Variants in SFPQ observed in about 807,000 individuals in gnomAD.
The protein encoded by SFPQ is splicing factor, proline- and glutamine-rich.
In SFPQ, 11 loss-of-function variants were observed where a neutral mutation model predicts 72.9. The ratio of observed to expected loss-of-function variants is 0.15; its 90% CI spans 0.09 to 0.25. The LOEUF is 0.25. Ranked by LOEUF, SFPQ falls within the 10% of genes least tolerant of loss-of-function variation. SFPQ has a pLI of 1.00. For missense variants in SFPQ, 847 were observed against 993.3 expected, an observed-to-expected ratio of 0.85 and a Z score of 1.98; for synonymous variants, 506 against 367.3, an observed-to-expected ratio of 1.38 and a Z score of -4.32.
chr1:35,178,171 A>C, downstream of SFPQ: 1 of 1,065,968 alleles, frequency 9.4e-7, no homozygotes, highest in East Asian at 5.6e-5. Context: ...GCATAAAAAA[A>C]TAGGAAGAAA....
At chr1:35,181,546 G>C, downstream of SFPQ, 1 of 1,062,494 alleles carries the variant, frequency 9.4e-7, no homozygotes, top group Non-Finnish European at 1.1e-6. Context: ...ACTAACATGA[G>C]CCAATGGGCT....
Position 35,192,860 on chromosome 1 carries a change from G to A in SFPQ, c.190C>T (p.Pro64Ser). 6.5e-7 allele frequency: 1 copy of A among 1,533,508 alleles called. No homozygotes were observed. The highest frequency in any genetic ancestry group is 1.2e-5 in the South Asian group (1 of 82,726). 95.0% of individuals were successfully genotyped at this position (1,533,508 alleles called of 1,614,324 possible). A position where few individuals can be genotyped will look rare whatever the true frequency, so the allele number is the denominator to read the frequency against. ...SGPKPPIPPPPPHQQQQQPPP... is the reference protein window; with the variant it reads ...SGPKPPIPPPSPHQQQQQPPP... ...GGCTGTTGCTGCTGTTGGTGTGGAG[G>A]CGGTGGCGGGATCGGAGGCTTAGGG... Residue 64 changes from proline (P) to serine (S), a missense_variant, in exon 1 of 10, where the codon CCT (proline) becomes TCT (serine). Pro to Ser is a moderately conservative substitution (Grantham distance 74). Coordinates refer to ENST00000357214, the MANE Select transcript of SFPQ (RefSeq NM_005066.3).
rs376034059 is a variant in SFPQ at position 35,189,310 on chromosome 1, A to G, written c.1488T>C (p.Ser496=). ...FEYEYSQRWK[S]LDEMEKQQRE... ...TTTGCTGTTTTTCCATTTCATCCAA[A>G]GACTTCCATCGCTGAGAATATTCGT... Residue 496 remains serine (S), a synonymous_variant, in exon 5 of 10, where the codon TCT becomes TCC. Coordinates refer to ENST00000357214, the MANE Select transcript of SFPQ (RefSeq NM_005066.3). 31 of 1,613,956 alleles carry G rather than the reference A, an allele frequency of 1.9e-5. No individual in the cohort carries two copies. Among genetic ancestry groups the G allele is most frequent in the Non-Finnish European group, 2.6e-5 (31 of 1,180,016 alleles).
chr1:35,183,012 C>A lies in SFPQ; in HGVS notation c.*1444G>T. ...TGAGCAACTTTCTCCAGATTTAGTG[C>A]TACATGAAAACGAAACTATGTGAAA... On this transcript the variant is annotated 3_prime_UTR_variant, in exon 10 of 10. Transcript: ENST00000357214. The A allele has an allele frequency of 9.6e-7, 1 of 1,036,764 alleles. No individual in the cohort carries two copies. The highest frequency in any genetic ancestry group is 6.0e-5 in the East Asian group (1 of 16,768). 64.2% of individuals were successfully genotyped at this position (1,036,764 alleles called of 1,614,324 possible).
rs757947644 is a variant in SFPQ at position 35,192,682 on chromosome 1, C to A, written c.368G>T (p.Ser123Ile). ...GGCCGAGCTGGAGGCTGGTGGTGCG[C>A]TGCCTACTCCGGGAGCGGGGCCGGG... ...QGPGPAPGVG[S>I]APPASSSAPP... is the part of the protein sequence containing the mutation. Residue 123 changes from serine to isoleucine, a missense_variant, in exon 1 of 10, where the codon AGC (serine) becomes ATC (isoleucine). Around this residue, in one of 6 missense-constraint regions of SFPQ, gnomAD observed 498 missense variants for 405.1 expected, o/e 1.23. Coordinates refer to ENST00000357214, the MANE Select transcript of SFPQ (RefSeq NM_005066.3). 1 of 1,421,046 alleles carries A rather than the reference C, an allele frequency of 7.0e-7. No individual in the cohort carries two copies. The highest frequency in any genetic ancestry group is 9.1e-7 in the Non-Finnish European group (1 of 1,096,120). The allele number at this position is 1,421,046 out of a possible 1,614,324, so 88.0% of individuals were successfully genotyped here. A position where few individuals can be genotyped will look rare whatever the true frequency, so the allele number is the denominator to read the frequency against.
Position 35,189,068 on chromosome 1 carries a change from T to C in SFPQ, c.1632A>G (p.Glu544=). Residue 544 remains glutamate, a synonymous_variant, in exon 6 of 10, where the codon GAA becomes GAG. Transcript: ENST00000357214. ...LLRQDLMRRQ[E]ELRRMEELHN... The stretch of plus-strand genomic sequence containing the variant: ...GAAGTTCTTCCATGCGTCTTAATTC[T>C]TCCTGTCGTCTCATCAGATCTGAAC... The C allele has an allele frequency of 1.9e-6, 3 of 1,613,268 alleles. No homozygotes were observed. Among genetic ancestry groups the C allele is most frequent in the Non-Finnish European group, 1.7e-6 (2 of 1,179,930 alleles).
chr1:35,191,829 G>A (rs928941829), intron 1 of SFPQ, among the ~76,000 whole-genome samples: 1 of 152,170 alleles, frequency 6.6e-6, no homozygotes, highest in African/African-American at 2.4e-5. Flanking sequence ...AATTAAAATA[G>A]GAAAATAACA....
downstream of SFPQ, chr1:35,180,988 C>A (rs1443333650): frequency 9.4e-7 from 1 of 1,065,104 alleles, no homozygotes; most frequent in Non-Finnish European, 1.1e-6. Context: ...TAACCCCACA[C>A]CCACACAGTT....
At chr1:35,180,021 C>G (rs1241659938), downstream of SFPQ, 4 of 1,052,706 alleles carry the variant, frequency 3.8e-6, no homozygotes, top group Non-Finnish European at 4.6e-6. Flanking sequence ...CAGTAGAGTC[C>G]AAAGTTGTTT....
At chr1:35,189,571 T>C (rs1026926729) in intron 4 of SFPQ, among the ~76,000 whole-genome samples, 189 bp from the exon 5 acceptor site, 19 of 152,182 alleles carry the variant, frequency 1.2e-4, no homozygotes, top group Non-Finnish European at 2.2e-4. Context: ...ATGCAGGCAC[T>C]GGAGATAAAT....
In SFPQ at chr1:35,183,985, G is replaced by A. The variant is rs1639590931; in HGVS notation, c.*471C>T. ...CAAAGGGGGCAATTATTTGTAGAAA[G>A]CAATACTTAGCCTCCAGATGCATTT... On this transcript the variant is annotated 3_prime_UTR_variant, in exon 10 of 10. Transcript: ENST00000357214. The A allele has an allele frequency of 9.5e-7, 1 of 1,055,220 alleles. No homozygotes were observed. Among genetic ancestry groups the A allele is most frequent in the Non-Finnish European group, 1.1e-6 (1 of 872,798 alleles). The allele number at this position is 1,055,220 out of a possible 1,614,324, so 65.4% of individuals were successfully genotyped here.
downstream of SFPQ, chr1:35,182,814 G>A: frequency 9.5e-7 from 1 of 1,050,374 alleles, no homozygotes; most frequent in Non-Finnish European, 1.1e-6. Context: ...TATTTACACT[G>A]GGAAATCAGG....
chr1:35,178,039 AAAG>A, downstream of SFPQ: 3 of 1,285,552 alleles, frequency 2.3e-6, no homozygotes, highest in Non-Finnish European at 3.0e-6. Flanking sequence ...ATTCTTACCT[AAAG>A]AATAATAAGA....
At position 35,190,677 on chromosome 1, in the gene SFPQ, T is replaced by C. The variant is rs749564434; in HGVS notation, c.1319+17A>G. On this transcript the variant is annotated intron_variant, in intron 3 of 9. Coordinates refer to ENST00000357214, the MANE Select transcript of SFPQ (RefSeq NM_005066.3). ...TATAAGTTGATAGAAATTATTAGAA[T>C]AAACAAGACAACTTACGTCGTCAGT... is the stretch of plus-strand genomic sequence containing the variant. 34 of 1,611,662 alleles carry C rather than the reference T, an allele frequency of 2.1e-5. No homozygotes were observed. The African/African-American group carries it at 4.0e-4, about 19-fold the overall frequency.
chr1:35,181,580 T>TA, downstream of SFPQ: 1 of 1,061,514 alleles, frequency 9.4e-7, no homozygotes, highest in Non-Finnish European at 1.1e-6. Context: ...ACCTATTAAA[T>TA]ACACTGGGGT....
In SFPQ at chr1:35,192,581, C is replaced by A; in HGVS notation, c.469G>T (p.Val157Phe). 7.5e-7 allele frequency: 1 copy of A among 1,336,912 alleles called. No homozygotes were observed. The highest frequency in any genetic ancestry group is 9.5e-7 in the Non-Finnish European group (1 of 1,050,230). The allele number at this position is 1,336,912 out of a possible 1,614,324, so 82.8% of individuals were successfully genotyped here. Residue 157 changes from valine to phenylalanine, a missense_variant, in exon 1 of 10, where the codon GTC becomes TTC. By Grantham distance (50) the Val-to-Phe change is conservative. Coordinates refer to ENST00000357214, the MANE Select transcript of SFPQ (RefSeq NM_005066.3). ...GGCGCCCCGGGAGGGGCCGAGGTGA[C>A]TGCAGGCGGCGGGGTCGGAGTCGGG... ...PGPTPTPPPAVTSAPPGAPPP... is the reference protein window; with the variant it reads ...PGPTPTPPPAFTSAPPGAPPP...
At chr1:35,178,198 A>G (rs1570102464), downstream of SFPQ, 12 of 1,081,258 alleles carry the variant, frequency 1.1e-5, no homozygotes, top group East Asian at 1.1e-4. Flanking sequence ...GGTGGGGGGG[A>G]AATCTAAAAT....
chr1:35,191,766 C>T lies in SFPQ; in HGVS notation c.829-237G>A, dbSNP rs553235155. ...TCCCCAAAGAGTAGACGTCCATCAG[C>T]AACTGTCACCCACATATGTTGAGTG... is the stretch of plus-strand genomic sequence containing the variant. On this transcript the variant is annotated intron_variant, in intron 1 of 9. Coordinates refer to ENST00000357214, the MANE Select transcript of SFPQ (RefSeq NM_005066.3). Among the ~76,000 whole-genome samples the T allele has an allele frequency of 1.1e-4, 14 of 133,174 alleles. No homozygotes were observed. In the East Asian group the frequency reaches 4.7e-3, roughly 45 times the overall value. The allele number at this position is 133,174 out of a possible 152,430, so 87.4% of individuals were successfully genotyped here.
rs548554858 is a variant in SFPQ, at chr1:35,183,791, C to A, written c.*665G>T. 72 of 1,054,726 alleles carry A rather than the reference C, an allele frequency of 6.8e-5. No individual in the cohort carries two copies. The South Asian group carries it at 2.1e-3, about 30-fold the overall frequency. 65.3% of individuals were successfully genotyped at this position (1,054,726 alleles called of 1,614,324 possible). ...ATCCATTTAATCAAACCCACTTTCA[C>A]CCCCTACCAATTGTCTTACACCCAT... On this transcript the variant is annotated 3_prime_UTR_variant, in exon 10 of 10. Coordinates refer to ENST00000357214, the MANE Select transcript of SFPQ (RefSeq NM_005066.3).
Sources: gnomAD v4.1 joint callset for allele counts (sites outside exome capture counted in the v4.1 genomes callset) on GRCh38, gnomAD v4.1.1 for gene constraint, gnomAD v4.1.1 regional missense constraint, MANE v1.5 for transcripts, NCBI Gene and HGNC (gene_info 2026-07-23, HGNC 2026-07-21) for gene names.